GRM5: variants seen among roughly 807,000 people sequenced by gnomAD.
The protein encoded by GRM5 is metabotropic glutamate receptor 5.
GRM5 carries 19 observed loss-of-function variants against 83.1 expected under a neutral mutation model. The ratio of observed to expected loss-of-function variants is 0.23; its 90% CI spans 0.16 to 0.34. The LOEUF (loss-of-function observed/expected upper bound fraction) is 0.34. GRM5 is among the 10% of genes least tolerant of loss of function. The pLI is 1.00. For synonymous variants in GRM5, 675 were observed against 633.6 expected (o/e 1.07, Z -0.98); for missense variants, 1,160 against 1,588.3 (o/e 0.73, Z 4.58).
At chr11:88,935,933 T>C (rs961486351) in intron 2 of GRM5, among the ~76,000 whole-genome samples, 2 of 151,962 alleles carry the variant, frequency 1.3e-5, no homozygotes, top group Admixed American at 1.3e-4. Context: ...CAATCCCAAC[T>C]AATCCTAGTC....
intron 3 of GRM5, among the ~76,000 whole-genome samples, chr11:88,845,700 TG>T (rs765646667): frequency 1.3e-5 from 2 of 150,270 alleles, no homozygotes; most frequent in Non-Finnish European, 3.0e-5. Flanking sequence ...CCCAAAGTGC[TG>T]GGATTACAGG....
intron 3 of GRM5, among the ~76,000 whole-genome samples, chr11:88,780,512 A>G (rs930618863): frequency 2.0e-5 from 3 of 152,114 alleles, no homozygotes; most frequent in African/African-American, 7.2e-5. Context: ...TCAACTGAAA[A>G]ATGGGGATAA....
At chr11:88,673,879 G>T (rs1940253970) in intron 3 of GRM5, among the ~76,000 whole-genome samples, 1 of 97,938 alleles carries the variant, frequency 1.0e-5, no homozygotes. Flanking sequence ...ATCAGGGGAT[G>T]TGACACTATT....
intron 4 of GRM5, among the ~76,000 whole-genome samples, chr11:88,651,113 A>G (rs574369941): frequency 6.6e-6 from 1 of 152,166 alleles, no homozygotes; most frequent in African/African-American, 2.4e-5. Context: ...ATAGAGAGCT[A>G]CAGCAGCAAG....
chr11:89,043,477 A>G (rs1941577130), intron 2 of GRM5, among the ~76,000 whole-genome samples: 1 of 152,224 alleles, frequency 6.6e-6, no homozygotes, highest in Non-Finnish European at 1.5e-5. Flanking sequence ...CTCTAGCCAC[A>G]GAAGTATAGG....
chr11:89,059,130 CA>C (rs1216353962), intron 1 of GRM5, among the ~76,000 whole-genome samples: 1 of 152,064 alleles, frequency 6.6e-6, no homozygotes, highest in Non-Finnish European at 1.5e-5. Flanking sequence ...CATTTATACT[CA>C]AAATTTTAAA....
At chr11:88,843,976 C>T (rs1021171390) in intron 3 of GRM5, among the ~76,000 whole-genome samples, 4 of 152,210 alleles carry the variant, frequency 2.6e-5, no homozygotes, top group African/African-American at 9.6e-5. Flanking sequence ...AGACAGGAAA[C>T]TGTCTCTGTA....
chr11:88,921,077 G>GTTT (rs33919966), intron 2 of GRM5, among the ~76,000 whole-genome samples: 3,177 of 150,876 alleles, frequency 0.021, 78 homozygotes, highest in African/African-American at 0.059. Context: ...AGACCACTGC[G>GTTT]TTTTTTTTTA....
At chr11:88,934,201 T>C (rs1937813843) in intron 2 of GRM5, among the ~76,000 whole-genome samples, 1 of 151,958 alleles carries the variant, frequency 6.6e-6, no homozygotes, top group East Asian at 1.9e-4. Context: ...ATTGGTCTTT[T>C]AATACAGAAA....
chr11:88,850,579 A>C (rs575257184), intron 2 of GRM5, among the ~76,000 whole-genome samples: 5 of 151,108 alleles, frequency 3.3e-5, no homozygotes, highest in Non-Finnish European at 7.4e-5. Context: ...TAAGTAATAC[A>C]TGTAGTTTAT....
intron 3 of GRM5, among the ~76,000 whole-genome samples, chr11:88,764,418 T>C (rs1942587108): frequency 6.6e-6 from 1 of 151,682 alleles, no homozygotes; most frequent in African/African-American, 2.4e-5. Flanking sequence ...TTTATGTGCA[T>C]ATGGGACATT....
chr11:88,804,411 T>C (rs1943460084), intron 3 of GRM5, among the ~76,000 whole-genome samples: 1 of 149,868 alleles, frequency 6.7e-6, no homozygotes, highest in Non-Finnish European at 1.5e-5. Flanking sequence ...CTGGAAATCA[T>C]CATTCTCAGT....
At chr11:89,035,074 A>T (rs1345728021) in intron 2 of GRM5, among the ~76,000 whole-genome samples, 1 of 151,686 alleles carries the variant, frequency 6.6e-6, no homozygotes, top group Non-Finnish European at 1.5e-5. Flanking sequence ...AAATTATAAG[A>T]AATGAATGAA....
At chr11:88,580,268 G>C (rs1228412557) in intron 7 of GRM5, among the ~76,000 whole-genome samples, 5 of 152,164 alleles carry the variant, frequency 3.3e-5, no homozygotes, top group Non-Finnish European at 5.9e-5. Context: ...TTAGGTGAGA[G>C]ATCTGGACAA....
At position 88,840,840 on chromosome 11, in the gene GRM5, G is replaced by A. The variant is rs114340331; in HGVS notation, c.911+9066C>T. On this transcript the variant is annotated intron_variant, in intron 3 of 9. Coordinates refer to ENST00000305447, the MANE Select transcript of GRM5 (RefSeq NM_001143831.3). The stretch of plus-strand genomic sequence containing the variant: ...ATGTTGAACTCATGAGGTTCTGGGC[G>A]GTAAGAGGCATTGCTCAATAGCAAA... Among the ~76,000 whole-genome samples, 386 of 152,232 alleles carry A rather than the reference G, an allele frequency of 2.5e-3. 1 individual carries two copies. Among genetic ancestry groups the A allele is most frequent in the African/African-American group, 7.9e-3 (328 of 41,562 alleles).
intron 4 of GRM5, among the ~76,000 whole-genome samples, chr11:88,651,656 G>T (rs1939635860): frequency 6.6e-6 from 1 of 152,058 alleles, no homozygotes; most frequent in Admixed American, 6.6e-5. Flanking sequence ...AAATGCGTAA[G>T]CATTTGAGGA....
intron 2 of GRM5, among the ~76,000 whole-genome samples, chr11:88,946,223 T>C (rs1768565457): frequency 6.6e-6 from 1 of 151,982 alleles, no homozygotes; most frequent in African/African-American, 2.4e-5. Flanking sequence ...TATTAAAAAG[T>C]CAAAAAGCAA....
intron 9 of GRM5, among the ~76,000 whole-genome samples, chr11:88,521,714 T>G (rs1459155308): frequency 6.6e-6 from 1 of 151,768 alleles, no homozygotes; most frequent in Non-Finnish European, 1.5e-5. Context: ...AGACATGAGG[T>G]TAAAAAAAAA....
At chr11:88,784,325 GA>G (rs1943026005) in intron 3 of GRM5, among the ~76,000 whole-genome samples, 1 of 152,134 alleles carries the variant, frequency 6.6e-6, no homozygotes, top group East Asian at 1.9e-4. Flanking sequence ...ATACCAGTAG[GA>G]AGCACACTTT....
Sources: gnomAD v4.1 joint callset for allele counts (sites outside exome capture counted in the v4.1 genomes callset) on GRCh38, gnomAD v4.1.1 for gene constraint, MANE v1.5 for transcripts, NCBI Gene and HGNC (gene_info 2026-07-23, HGNC 2026-07-21) for gene names.